GFM2: variants seen among roughly 807,000 people sequenced by gnomAD.
The protein encoded by GFM2 is ribosome-releasing factor 2, mitochondrial.
Under a neutral mutation model 95.4 loss-of-function variants are expected in GFM2, and 72 were observed. That is an observed-to-expected ratio of 0.76 (90% CI 0.62 to 0.92). The LOEUF (loss-of-function observed/expected upper bound fraction) is 0.92. Among genes scored for constraint, GFM2 ranks in the 40% least tolerant of loss-of-function variants. The pLI is 0.00. For missense variants in GFM2, 825 were observed against 924.1 expected (o/e 0.89, Z 1.39); for synonymous variants, 276 against 317.5 (o/e 0.87, Z 1.39).
chr5:74,721,659 G>A lies in GFM2; in HGVS notation c.2336C>T (p.Thr779Ile), dbSNP rs1749886048. The change falls in exon 21 of 21, where the codon ACC becomes ATC. Residue 779 changes from threonine to isoleucine, a missense_variant. By Grantham distance (89) the Thr-to-Ile change is moderately conservative. Coordinates refer to ENST00000296805, the MANE Select transcript of GFM2 (RefSeq NM_032380.5). ...TCTCTCCAAAAACTAAAACATTTAG[G>A]TCAAACCACTTCTCCGGTTGAGCAG... is the stretch of plus-strand genomic sequence containing the variant. ...NTLLNRRSGL[T>I] 6.2e-7 allele frequency: 1 copy of A among 1,611,450 alleles called. No individual in the cohort carries two copies. Among genetic ancestry groups the A allele is most frequent in the Non-Finnish European group, 8.5e-7 (1 of 1,179,212 alleles).
At chr5:74,727,862 T>TAA (rs1264867957) in intron 17 of GFM2, among the ~76,000 whole-genome samples, 49 of 152,326 alleles carry the variant, frequency 3.2e-4, no homozygotes, top group African/African-American at 1.0e-3. Context: ...ACATCTATCA[T>TAA]GTCAAAAAAC....
At position 74,745,815 on chromosome 5, in the gene GFM2, C is replaced by T. The variant is rs528572203; in HGVS notation, c.712G>A (p.Val238Ile). ...CAAAGAAGTTTTTCTTTCATTACTACATCCACCACTCCTTTGAAAGTTTTG... is the reference window on the plus strand; with the variant it reads ...CAAAGAAGTTTTTCTTTCATTACTATATCCACCACTCCTTTGAAAGTTTTG... ...EAKTFKGVVDVVMKEKLLWNC... is the reference protein window; with the variant it reads ...EAKTFKGVVDIVMKEKLLWNC... Residue 238 changes from valine (V) to isoleucine (I), a missense_variant, in exon 10 of 21, where the codon GTA (valine) becomes ATA (isoleucine). Transcript: ENST00000296805. The T allele has an allele frequency of 3.1e-6, 5 of 1,612,826 alleles. No individual in the cohort carries two copies. The highest frequency in any genetic ancestry group is 4.5e-5 in the East Asian group (2 of 44,850).
chr5:74,737,081 C>A, intron 14 of GFM2, 96 bp from the exon 15 acceptor site: 1 of 1,109,370 alleles, frequency 9.0e-7, no homozygotes, highest in Non-Finnish European at 1.3e-6. Flanking sequence ...TTTTGTGGCC[C>A]TTTCTTTTCA....
chr5:74,721,659 G>T lies in GFM2; in HGVS notation c.2336C>A (p.Thr779Asn). The T allele has an allele frequency of 1.2e-6, 2 of 1,611,450 alleles. No homozygotes were observed. Among genetic ancestry groups the T allele is most frequent in the Non-Finnish European group, 1.7e-6 (2 of 1,179,212 alleles). Residue 779 changes from threonine to asparagine, a missense_variant, in exon 21 of 21, where the codon ACC becomes AAC. Physicochemically the swap from Thr to Asn is moderately conservative, Grantham distance 65 (BLOSUM62 0). Transcript: ENST00000296805. The part of the protein sequence containing the change: ...NTLLNRRSGL[T>N] The stretch of plus-strand genomic sequence containing the variant: ...TCTCTCCAAAAACTAAAACATTTAG[G>T]TCAAACCACTTCTCCGGTTGAGCAG...
chr5:74,736,557 C>A (rs1742843269), intron 15 of GFM2: 1 of 1,353,916 alleles, frequency 7.4e-7, no homozygotes, highest in Non-Finnish European at 9.5e-7. Flanking sequence ...GATAGCACTA[C>A]AAGAGTAAGG....
intron 16 of GFM2, among the ~76,000 whole-genome samples, chr5:74,732,480 AGAG>A (rs905968208): frequency 3.3e-5 from 5 of 150,094 alleles, no homozygotes; most frequent in African/African-American, 9.7e-5. Context: ...CCTCCTAAAA[AGAG>A]GATGCAGAAT....
chr5:74,727,641 G>A (rs913993520), intron 17 of GFM2, among the ~76,000 whole-genome samples: 2 of 152,146 alleles, frequency 1.3e-5, no homozygotes, highest in Non-Finnish European at 2.9e-5. Flanking sequence ...GATTTGGCCA[G>A]CAGAGTCTCT....
chr5:74,721,771 C>CAGTTGAATAACCCTAATCAAA lies in GFM2; in HGVS notation c.2212-9_2223dup (p.Thr741_Val742insPheAspTer). ...GAGCCTGATGTTAGCGTTCGAAGCA[C>CAGTTGAATAACCCTAATCAAA]AGTTGAATAACCCTAATCAAAATAA... On this transcript the variant is annotated stop_gained and inframe_insertion, in exon 21 of 21. Coordinates refer to ENST00000296805, the MANE Select transcript of GFM2 (RefSeq NM_032380.5). LOFTEE classifies it high-confidence loss of function. The CAGTTGAATAACCCTAATCAAA allele has an allele frequency of 6.2e-7, 1 of 1,612,064 alleles. No individual in the cohort carries two copies. Among genetic ancestry groups the CAGTTGAATAACCCTAATCAAA allele is most frequent in the Non-Finnish European group, 8.5e-7 (1 of 1,179,324 alleles).
At position 74,751,572 on chromosome 5, in the gene GFM2, T is replaced by G. The variant is rs1041334185; in HGVS notation, c.305-79A>C. ...CGTGCTCAATATCTACCTGACACAGTTTAACCTGCCTTAAGAAAAATCTTT... is the reference window on the plus strand; with the variant it reads ...CGTGCTCAATATCTACCTGACACAGGTTAACCTGCCTTAAGAAAAATCTTT... On this transcript the variant is annotated intron_variant, in intron 5 of 20. Coordinates refer to ENST00000296805, the MANE Select transcript of GFM2 (RefSeq NM_032380.5). The G allele has an allele frequency of 8.4e-5, 85 of 1,009,660 alleles. No homozygotes were observed. The Middle Eastern group carries it at 2.5e-3, about 30-fold the overall frequency. The allele number at this position is 1,009,660 out of a possible 1,614,324, so 62.5% of individuals were successfully genotyped here.
At chr5:74,727,910 A>G (rs180820965) in intron 17 of GFM2, among the ~76,000 whole-genome samples, 54 of 152,330 alleles carry the variant, frequency 3.5e-4, no homozygotes, top group African/African-American at 1.3e-3. Flanking sequence ...ATAAATTATT[A>G]ACTATAGTCA....
At position 74,721,598 on chromosome 5, in the gene GFM2, C is replaced by A; in HGVS notation, c.*57G>T. On this transcript the variant is annotated 3_prime_UTR_variant, in exon 21 of 21. Transcript: ENST00000296805. ...AATAAATAAAGCAATAAAAATTGTTCTTACTGAAAATGAAGTAGCTAGGTG... is the reference window on the plus strand; with the variant it reads ...AATAAATAAAGCAATAAAAATTGTTATTACTGAAAATGAAGTAGCTAGGTG... 1.3e-6 allele frequency: 2 copies of A among 1,553,990 alleles called. No homozygotes were observed. The highest frequency in any genetic ancestry group is 2.3e-5 in the South Asian group (2 of 85,924).
At chr5:74,752,165 T>G (rs1743750397) in intron 5 of GFM2, among the ~76,000 whole-genome samples, 1 of 152,152 alleles carries the variant, frequency 6.6e-6, no homozygotes, top group South Asian at 2.1e-4. Flanking sequence ...TCATACAACT[T>G]CTACAGTATA....
chr5:74,758,814 A>C (rs1384304430), intron 5 of GFM2, 35 bp downstream of exon 5: 3 of 1,301,302 alleles, frequency 2.3e-6, no homozygotes, highest in African/African-American at 1.5e-5. Flanking sequence ...GCTTTTGCTA[A>C]TGGGGGGGTG....
At chr5:74,722,781 A>C in intron 19 of GFM2, 2 of 416,286 alleles carry the variant, frequency 4.8e-6, no homozygotes, top group South Asian at 4.0e-5. Context: ...TGTTTATAAA[A>C]AATGCCTGTG....
At chr5:74,752,881 C>T (rs746633910) in intron 5 of GFM2, among the ~76,000 whole-genome samples, 9 of 152,126 alleles carry the variant, frequency 5.9e-5, no homozygotes, top group Non-Finnish European at 1.0e-4. Context: ...CAAGGGAGCA[C>T]CCCGTGAAAC....
At chr5:74,724,387 T>C (rs1190627903) in intron 19 of GFM2, among the ~76,000 whole-genome samples, 1 of 151,844 alleles carries the variant, frequency 6.6e-6, no homozygotes, top group Non-Finnish European at 1.5e-5. Context: ...ATCCTAGCAC[T>C]TTGGGTTTGG....
At position 74,767,087 on chromosome 5, in the gene GFM2, T is replaced by C. The variant is rs2112400365; in HGVS notation, c.-174A>G. 1 of 450,716 alleles carries C rather than the reference T, an allele frequency of 2.2e-6. No individual in the cohort carries two copies. 27.9% of individuals were successfully genotyped at this position (450,716 alleles called of 1,614,324 possible). On this transcript the variant is annotated 5_prime_UTR_variant, in exon 1 of 21. Coordinates refer to ENST00000296805, the MANE Select transcript of GFM2 (RefSeq NM_032380.5). ...ATCTAAACGAAAAGAAAATAGGCTT[T>C]CTCCGCTCTACCGCCTCGGGCAGCC...
intron 11 of GFM2, among the ~76,000 whole-genome samples, 154 bp from the exon 12 acceptor site, chr5:74,740,291 C>A (rs1478183115): frequency 6.6e-6 from 1 of 152,184 alleles, no homozygotes; most frequent in Non-Finnish European, 1.5e-5. Flanking sequence ...TCATCACTAT[C>A]TGGATGTTAG....
chr5:74,740,109 A>G lies in GFM2; in HGVS notation c.959T>C (p.Leu320Pro). 1 of 1,605,816 alleles carries G rather than the reference A, an allele frequency of 6.2e-7. No homozygotes were observed. The highest frequency in any genetic ancestry group is 8.5e-7 in the Non-Finnish European group (1 of 1,177,080). The change falls in exon 12 of 21, where the codon CTA becomes CCA. Residue 320 changes from leucine (L) to proline (P), a missense_variant. Transcript: ENST00000296805. ...KLQTAIHRVT[L>P]AQTAVPVLCG... Reference sequence around the variant, plus strand: ...AAGCACAGGCACTGCTGTCTGAGCTAGTGTCACTCTATGTATTGCAGTCTG... The same window carrying G: ...AAGCACAGGCACTGCTGTCTGAGCTGGTGTCACTCTATGTATTGCAGTCTG...
Sources: gnomAD v4.1 joint callset for allele counts (sites outside exome capture counted in the v4.1 genomes callset) on GRCh38, gnomAD v4.1.1 for gene constraint, MANE v1.5 for transcripts, NCBI Gene and HGNC (gene_info 2026-07-23, HGNC 2026-07-21) for gene names.